The following PMFBP1 variants were observed in gnomAD, a reference collection of about 807,000 sequenced individuals.
The protein encoded by PMFBP1 is polyamine modulated factor 1 binding protein 1.
A neutral mutation model predicts 137.8 loss-of-function variants in PMFBP1; 131 were observed. The ratio of observed to expected loss-of-function variants is 0.95; its 90% CI spans 0.82 to 1.10. The LOEUF is 1.10. Ranked by LOEUF, PMFBP1 falls within the 50% of genes least tolerant of loss-of-function variation. PMFBP1 has a pLI of 0.00. For synonymous variants in PMFBP1, 490 were observed against 450.4 expected, an observed-to-expected ratio of 1.09 and a Z score of -1.11; for missense variants, 1,199 against 1,175.4, an observed-to-expected ratio of 1.02 and a Z score of -0.29.
the PMFBP1 span, among the ~76,000 whole-genome samples, chr16:72,199,062 A>G: frequency 6.6e-6 from 1 of 152,180 alleles, no homozygotes; most frequent in African/African-American, 2.4e-5. Context: ...TGCGCTGCCT[A>G]GGGTGAGTGG....
chr16:72,223,592 T>C, the PMFBP1 span, among the ~76,000 whole-genome samples: 26 of 152,334 alleles, frequency 1.7e-4, no homozygotes, highest in African/African-American at 6.0e-4. Flanking sequence ...GTTTGAAATA[T>C]ATGAAGCATG....
intron 5 of PMFBP1, among the ~76,000 whole-genome samples, chr16:72,141,075 C>G (rs1265984831): frequency 6.6e-6 from 1 of 151,802 alleles, no homozygotes; most frequent in Non-Finnish European, 1.5e-5. Flanking sequence ...GCTAGAATTA[C>G]AGGCATGTGC....
chr16:72,206,747 C>A, the PMFBP1 span, among the ~76,000 whole-genome samples: 7 of 152,122 alleles, frequency 4.6e-5, no homozygotes, highest in Non-Finnish European at 8.8e-5. Flanking sequence ...CTGAACTCAA[C>A]GTGCCAACGA....
At chr16:72,187,131 TA>T in the PMFBP1 span, among the ~76,000 whole-genome samples, 1 of 148,778 alleles carries the variant, frequency 6.7e-6, no homozygotes, top group African/African-American at 2.5e-5. Context: ...AAAAAATAAA[TA>T]AAAAAATAAT....
At chr16:72,165,497 C>A (rs1298037268) in intron 2 of PMFBP1, among the ~76,000 whole-genome samples, 4 of 151,720 alleles carry the variant, frequency 2.6e-5, no homozygotes, top group Non-Finnish European at 5.9e-5. Context: ...TCACTGCAAG[C>A]TCCGCCTCCC....
intron 5 of PMFBP1, among the ~76,000 whole-genome samples, chr16:72,149,067 G>A (rs768303520): frequency 6.6e-5 from 10 of 152,094 alleles, no homozygotes; most frequent in Non-Finnish European, 1.0e-4. Context: ...CTTGCTTTCC[G>A]CTCCTTCCTT....
chr16:72,152,738 A>G (rs1212062338), intron 4 of PMFBP1, among the ~76,000 whole-genome samples: 1 of 150,950 alleles, frequency 6.6e-6, no homozygotes, highest in Admixed American at 6.7e-5. Flanking sequence ...CCAGCTACTC[A>G]GGAGGCTGTG....
At chr16:72,181,612 C>T (rs2043276479), upstream of PMFBP1, among the ~76,000 whole-genome samples, 1 of 152,166 alleles carries the variant, frequency 6.6e-6, no homozygotes. Flanking sequence ...AATATGTGAA[C>T]ATCGTCCTTC....
intron 2 of PMFBP1, 83 bp downstream of exon 2, chr16:72,171,114 G>T: frequency 6.8e-7 from 1 of 1,469,906 alleles, no homozygotes; most frequent in Non-Finnish European, 9.4e-7. Context: ...GCTTATTACT[G>T]GAATTTTGAA....
At chr16:72,117,758 G>A (rs1175744917), downstream of PMFBP1, among the ~76,000 whole-genome samples, 1 of 152,110 alleles carries the variant, frequency 6.6e-6, no homozygotes, top group Non-Finnish European at 1.5e-5. Flanking sequence ...TTTAATATCA[G>A]CTGTTCGAAC....
upstream of PMFBP1, among the ~76,000 whole-genome samples, chr16:72,177,123 T>G (rs2043261940): frequency 6.6e-6 from 1 of 152,222 alleles, no homozygotes; most frequent in Non-Finnish European, 1.5e-5. Context: ...ACAGTCCACC[T>G]AATCTTTGTT....
Position 72,124,769 on chromosome 16 carries a change from C to T in PMFBP1, c.2587G>A (p.Glu863Lys), listed in dbSNP as rs1460407552. 6 of 1,613,626 alleles carry T rather than the reference C, an allele frequency of 3.7e-6. No homozygotes were observed. The change falls in exon 17 of 21, where the codon GAG becomes AAG. Residue 863 changes from glutamate to lysine, a missense_variant and splice_region_variant. Transcript: ENST00000237353. Reference protein sequence around the residue: ...LKENLLEDDKEPCCLPQWSVP... With the variant: ...LKENLLEDDKKPCCLPQWSVP... ...CGCAGAAGCCAAGGCATGCCCACCT[C>T]CTTATCGTCCTCAAGGAGGTTCTCT...
At chr16:72,125,519 G>T in intron 15 of PMFBP1, 114 bp from the exon 16 acceptor site, 2 of 1,199,014 alleles carry the variant, frequency 1.7e-6, no homozygotes, top group Non-Finnish European at 2.3e-6. Flanking sequence ...GGGTGACACG[G>T]ACGGTCACCT....
At chr16:72,211,211 G>A in the PMFBP1 span, among the ~76,000 whole-genome samples, 1 of 152,182 alleles carries the variant, frequency 6.6e-6, no homozygotes, top group African/African-American at 2.4e-5. Flanking sequence ...GTCTGTGTGT[G>A]GTGAGTGTGA....
chr16:72,171,044 G>A (rs1460606983), intron 2 of PMFBP1, among the ~76,000 whole-genome samples, 153 bp downstream of exon 2: 1 of 152,174 alleles, frequency 6.6e-6, no homozygotes, highest in Non-Finnish European at 1.5e-5. Context: ...CACCCAGCTC[G>A]AGTCTGGGCT....
In PMFBP1 at chr16:72,143,274, G is replaced by A. The variant is rs184769776; in HGVS notation, c.637-2692C>T. On this transcript the variant is annotated intron_variant, in intron 5 of 20. Coordinates refer to ENST00000237353, the MANE Select transcript of PMFBP1 (RefSeq NM_031293.3). ...TTAAAATGAGGAGCAAGGCAAAGAG[G>A]CTACAATTCCACTTTGCTCTAGAGA... 2.0e-5 allele frequency among the ~76,000 whole-genome samples: 3 copies of A among 152,178 alleles called. No homozygotes were observed. In the South Asian group the frequency reaches 6.2e-4, roughly 32 times the overall value.
the PMFBP1 span, among the ~76,000 whole-genome samples, chr16:72,207,114 T>C: frequency 6.6e-6 from 1 of 152,092 alleles, no homozygotes; most frequent in African/African-American, 2.4e-5. Flanking sequence ...CTGGAGATTT[T>C]CAAGTGGAGA....
downstream of PMFBP1, among the ~76,000 whole-genome samples, chr16:72,117,649 A>T (rs545096322): frequency 6.6e-6 from 1 of 152,220 alleles, no homozygotes; most frequent in South Asian, 2.1e-4. Context: ...TGGGTTTTTC[A>T]TATGTGGTTT....
intron 7 of PMFBP1, 125 bp from the exon 8 acceptor site, chr16:72,136,944 GC>G: frequency 7.7e-7 from 1 of 1,301,334 alleles, no homozygotes; most frequent in Non-Finnish European, 1.1e-6. Context: ...GCTGCTGGGG[GC>G]CAGGGGATGG....
Sources: gnomAD v4.1 joint callset for allele counts (sites outside exome capture counted in the v4.1 genomes callset) on GRCh38, gnomAD v4.1.1 for gene constraint, MANE v1.5 for transcripts, NCBI Gene and HGNC (gene_info 2026-07-23, HGNC 2026-07-21) for gene names.